CLEC6A: variants seen among roughly 807,000 people sequenced by gnomAD.
The protein encoded by CLEC6A is C-type lectin domain family 6 member A.
A neutral mutation model predicts 25.7 loss-of-function variants in CLEC6A; 22 were observed. The ratio of observed to expected loss-of-function variants is 0.85; its 90% CI spans 0.61 to 1.22. The LOEUF is 1.22. Among genes scored for constraint, CLEC6A ranks in the 50% most tolerant of loss-of-function variants. The pLI, the probability that CLEC6A is intolerant of heterozygous loss-of-function variation, is 0.00. For missense variants in CLEC6A, 240 were observed against 236.8 expected (o/e 1.01, Z -0.09); for synonymous variants, 92 against 76.7 (o/e 1.20, Z -1.04).
At position 8,476,644 on chromosome 12, in the gene CLEC6A, C is replaced by G. The variant is rs1035732484; in HGVS notation, c.485+404C>G. 4.6e-5 allele frequency among the ~76,000 whole-genome samples: 7 copies of G among 152,040 alleles called. No homozygotes were observed. In the South Asian group the frequency reaches 1.0e-3, roughly 22 times the overall value. ...TTAGTAGAAAAATTACATAATAATA[C>G]TATTTACTTGTGGCTTTAAAATAGA... is the stretch of plus-strand genomic sequence containing the variant. On this transcript the variant is annotated intron_variant, in intron 5 of 5. Coordinates refer to ENST00000382073, the MANE Select transcript of CLEC6A (RefSeq NM_001007033.2).
intron 4 of CLEC6A, among the ~76,000 whole-genome samples, chr12:8,468,128 A>G (rs751491869): frequency 6.6e-6 from 1 of 152,054 alleles, no homozygotes; most frequent in Non-Finnish European, 1.5e-5. Context: ...TTTTTAGTAG[A>G]GATAGGGTTT....
intron 1 of CLEC6A, among the ~76,000 whole-genome samples, chr12:8,457,535 T>G (rs894089589): frequency 6.6e-6 from 1 of 152,202 alleles, no homozygotes; most frequent in African/African-American, 2.4e-5. Flanking sequence ...ACAATAAACA[T>G]GGGAGTGCAG....
At chr12:8,463,613 A>T (rs1486281549) in intron 3 of CLEC6A, among the ~76,000 whole-genome samples, 2 of 152,204 alleles carry the variant, frequency 1.3e-5, no homozygotes, top group African/African-American at 2.4e-5. Context: ...TGAGAATTTG[A>T]TCAGGTTACT....
chr12:8,463,333 G>A (rs1233339888), intron 3 of CLEC6A, among the ~76,000 whole-genome samples: 1 of 140,792 alleles, frequency 7.1e-6, no homozygotes, highest in Admixed American at 7.3e-5. Flanking sequence ...AGTAAAACTT[G>A]GAAGTCTAAA....
intron 3 of CLEC6A, chr12:8,461,015 T>C (rs764264098): frequency 4.4e-5 from 66 of 1,496,012 alleles, no homozygotes; most frequent in Middle Eastern, 4.7e-4. Context: ...TTGGGGGTTA[T>C]CCTCATTGAT....
intron 5 of CLEC6A, 89 bp downstream of exon 5, chr12:8,476,329 A>G (rs1391547719): frequency 5.3e-6 from 4 of 760,950 alleles, no homozygotes; most frequent in South Asian, 1.6e-5. Context: ...GGTAATTATG[A>G]TAACAGGATC....
At chr12:8,460,376 G>A (rs1468526180) in intron 3 of CLEC6A, among the ~76,000 whole-genome samples, 1 of 152,186 alleles carries the variant, frequency 6.6e-6, no homozygotes, top group Non-Finnish European at 1.5e-5. Context: ...AGTGAGATGG[G>A]TTTCCTCTTA....
chr12:8,476,259 C>A lies in CLEC6A; in HGVS notation c.485+19C>A, dbSNP rs1377465755. ...ATGTCAGGTGAGTGCAGTTCTGGGG[C>A]CTTGTTTACATAGAAAATCTAGGGA... On this transcript the variant is annotated intron_variant, in intron 5 of 5. Coordinates refer to ENST00000382073, the MANE Select transcript of CLEC6A (RefSeq NM_001007033.2). 1 of 1,394,096 alleles carries A rather than the reference C, an allele frequency of 7.2e-7. No homozygotes were observed. Among genetic ancestry groups the A allele is most frequent in the South Asian group, 1.2e-5 (1 of 82,938 alleles). The allele number at this position is 1,394,096 out of a possible 1,614,324, so 86.4% of individuals were successfully genotyped here. A position where few individuals can be genotyped will look rare whatever the true frequency, so the allele number is the denominator to read the frequency against.
chr12:8,467,061 G>A (rs1324538473), intron 4 of CLEC6A, among the ~76,000 whole-genome samples: 2 of 152,172 alleles, frequency 1.3e-5, no homozygotes, highest in Non-Finnish European at 2.9e-5. Flanking sequence ...TTGTTGTTGA[G>A]TTGGAGGTGT....
intron 4 of CLEC6A, 21 bp from the exon 5 acceptor site, chr12:8,476,104 C>T (rs1385800762): frequency 6.7e-7 from 1 of 1,496,956 alleles, no homozygotes. Flanking sequence ...GTCTTTGACT[C>T]CTTTTTTTTC....
intron 3 of CLEC6A, chr12:8,460,884 TA>T (rs1454758053): frequency 2.3e-6 from 2 of 880,594 alleles, no homozygotes; most frequent in East Asian, 4.8e-5. Context: ...ATCACGGTGT[TA>T]ACCAGCCAAA....
chr12:8,458,354 C>T (rs1413809312), intron 2 of CLEC6A, among the ~76,000 whole-genome samples: 1 of 152,174 alleles, frequency 6.6e-6, no homozygotes, highest in African/African-American at 2.4e-5. Context: ...TCATAATTGT[C>T]ATATTCTATA....
At chr12:8,470,552 T>C (rs1314209869) in intron 4 of CLEC6A, among the ~76,000 whole-genome samples, 4 of 151,808 alleles carry the variant, frequency 2.6e-5, no homozygotes, top group South Asian at 2.1e-4. Context: ...CATTTGTCTA[T>C]AATACTACTC....
chr12:8,468,887 A>T (rs538571165), intron 4 of CLEC6A, among the ~76,000 whole-genome samples: 2 of 152,170 alleles, frequency 1.3e-5, no homozygotes, highest in African/African-American at 2.4e-5. Context: ...CAAGACAAGG[A>T]TGCCCACTCT....
At chr12:8,463,799 A>G (rs1939794525) in intron 3 of CLEC6A, among the ~76,000 whole-genome samples, 1 of 152,230 alleles carries the variant, frequency 6.6e-6, no homozygotes, top group Non-Finnish European at 1.5e-5. Flanking sequence ...AAGTAACGTG[A>G]TCAGCTCATT....
chr12:8,468,693 A>G (rs936002441), intron 4 of CLEC6A, among the ~76,000 whole-genome samples: 1 of 152,216 alleles, frequency 6.6e-6, no homozygotes, highest in African/African-American at 2.4e-5. Context: ...AAATTATATG[A>G]TCATCTCGAT....
In CLEC6A at chr12:8,456,147, G is replaced by A. The variant is rs76779479; in HGVS notation, c.31+5G>A. The A allele has an allele frequency of 9.5e-4, 1,528 of 1,613,532 alleles. 12 individuals are homozygous for A. The African/African-American group carries it at 0.016, about 17-fold the overall frequency. ...AGCAGCAACCTCAAAGTACAGGTGA[G>A]TATTTCCTCAGTTTCAGAGGAAAGT... On this transcript the variant is annotated splice_donor_5th_base_variant and intron_variant, in intron 1 of 5. Coordinates refer to ENST00000382073, the MANE Select transcript of CLEC6A (RefSeq NM_001007033.2).
chr12:8,474,794 AT>A (rs1565484669), intron 4 of CLEC6A, among the ~76,000 whole-genome samples: 2 of 152,308 alleles, frequency 1.3e-5, no homozygotes, highest in African/African-American at 2.4e-5. Context: ...GAGAAGAATT[AT>A]TTTTTATGAA....
In CLEC6A at chr12:8,477,444, A is replaced by G. The variant is rs757231031; in HGVS notation, c.610A>G (p.Met204Val). ...CETRRNSICE[M>V]NKIYL ...AACTAGAAGGAATTCAATATGTGAG[A>G]TGAATAAGATTTACCTATGAGTAGA... The change falls in exon 6 of 6, where the codon ATG (methionine) becomes GTG (valine). Residue 204 changes from methionine (M) to valine (V), a missense_variant. By Grantham distance (21) the Met-to-Val change is conservative. Coordinates refer to ENST00000382073, the MANE Select transcript of CLEC6A (RefSeq NM_001007033.2). The G allele has an allele frequency of 4.4e-6, 7 of 1,608,396 alleles. No individual in the cohort carries two copies. Among genetic ancestry groups the G allele is most frequent in the Non-Finnish European group, 5.9e-6 (7 of 1,177,418 alleles).
Sources: allele counts gnomAD v4.1 joint callset (sites outside exome capture counted in the v4.1 genomes callset), GRCh38; gene constraint gnomAD v4.1.1; transcripts MANE v1.5; gene names NCBI Gene and HGNC (gene_info 2026-07-23, HGNC 2026-07-21).